Variants in MROH9 observed in about 807,000 individuals in gnomAD.
MROH9 encodes the protein maestro heat-like repeat-containing protein family member 9.
In MROH9, 92 loss-of-function variants were observed where a neutral mutation model predicts 98.2. The ratio of observed to expected loss-of-function variants is 0.94; its 90% confidence interval spans 0.79 to 1.11. MROH9 has a LOEUF of 1.11. MROH9 is among the 50% of genes most tolerant of loss of function. The pLI, the probability that MROH9 is intolerant of heterozygous loss-of-function variation, is 0.00. For synonymous variants in MROH9, 397 were observed against 368.9 expected, an observed-to-expected ratio of 1.08 and a Z score of -0.87; for missense variants, 1,057 against 1,014.8, an observed-to-expected ratio of 1.04 and a Z score of -0.57.
chr1:170,957,214 G>T (rs774331817), intron 3 of MROH9, among the ~76,000 whole-genome samples: 2 of 151,926 alleles, frequency 1.3e-5, no homozygotes, highest in Admixed American at 6.6e-5. Context: ...TGTTGCCTGT[G>T]CTTTTTACGT....
rs775610099 is a variant in MROH9, at chr1:170,986,549, T to C, written c.730-12T>C. 3 of 1,611,186 alleles carry C rather than the reference T, an allele frequency of 1.9e-6. No homozygotes were observed. The highest frequency in any genetic ancestry group is 1.1e-5 in the South Asian group (1 of 90,640). ...TAAGGCCTGAGGTCATGATTATCCT[T>C]TGTGGTTGCAGAGAGTAGGGCAAAC... On this transcript the variant is annotated splice_polypyrimidine_tract_variant and intron_variant, in intron 9 of 21. Coordinates refer to ENST00000367759, the MANE Select transcript of MROH9 (RefSeq NM_001163629.2).
chr1:170,989,471 G>A (rs953168894), intron 10 of MROH9, among the ~76,000 whole-genome samples: 6 of 152,038 alleles, frequency 3.9e-5, no homozygotes, highest in Non-Finnish European at 5.9e-5. Context: ...ACTTGCAAAA[G>A]TTTTCTTTGA....
intron 14 of MROH9, 75 bp downstream of exon 14, chr1:170,996,719 G>C (rs560577963): frequency 2.7e-6 from 4 of 1,459,082 alleles, no homozygotes; most frequent in African/African-American, 1.4e-5. Flanking sequence ...TAAGCCATGC[G>C]GGAACAAGAT....
intron 1 of MROH9, among the ~76,000 whole-genome samples, chr1:170,937,678 C>T (rs946875914): frequency 1.1e-4 from 17 of 151,544 alleles, no homozygotes; most frequent in South Asian, 6.3e-4. Flanking sequence ...CCCGCCACTA[C>T]GCCCGGCTAA....
intron 1 of MROH9, among the ~76,000 whole-genome samples, chr1:170,941,578 G>T (rs945759508): frequency 6.6e-6 from 1 of 152,066 alleles, no homozygotes; most frequent in African/African-American, 2.4e-5. Flanking sequence ...ACTTTTTGTT[G>T]CTCATTAAGG....
chr1:171,026,739 G>C (rs1290620986), intron 20 of MROH9, among the ~76,000 whole-genome samples: 1 of 152,134 alleles, frequency 6.6e-6, no homozygotes, highest in African/African-American at 2.4e-5. Flanking sequence ...AGGGAAAAAA[G>C]AGACAAAAGA....
intron 3 of MROH9, among the ~76,000 whole-genome samples, chr1:170,953,984 T>TA (rs201757828): frequency 1.8e-3 from 274 of 151,438 alleles, no homozygotes; most frequent in African/African-American, 5.5e-3. Context: ...CATTTTCTCT[T>TA]AAAAAAAAAT....
At chr1:170,940,108 A>G (rs1649066331) in intron 1 of MROH9, among the ~76,000 whole-genome samples, 1 of 152,174 alleles carries the variant, frequency 6.6e-6, no homozygotes, top group African/African-American at 2.4e-5. Flanking sequence ...AATGAGAAAT[A>G]TGTTGCCTAA....
At chr1:170,977,785 T>A (rs1242406517) in intron 8 of MROH9, among the ~76,000 whole-genome samples, 1 of 152,026 alleles carries the variant, frequency 6.6e-6, no homozygotes, top group African/African-American at 2.4e-5. Flanking sequence ...CAGCAGTGAG[T>A]GTGGCCAAGG....
At position 171,001,187 on chromosome 1, in the gene MROH9, C is replaced by T. The variant is rs2101819480; in HGVS notation, c.1596+2913C>T. Among the ~76,000 whole-genome samples the T allele has an allele frequency of 2.0e-5, 3 of 152,080 alleles. No individual in the cohort carries two copies. The South Asian group carries it at 6.2e-4, about 32-fold the overall frequency. ...CAATTTTATTCATCTTTACAAAGAA[C>T]CAGTTTTTTGTTTCATTTACCTTTT... On this transcript the variant is annotated intron_variant, in intron 15 of 21. Coordinates refer to ENST00000367759, the MANE Select transcript of MROH9 (RefSeq NM_001163629.2).
At chr1:171,011,787 A>G (rs1457312078) in intron 15 of MROH9, among the ~76,000 whole-genome samples, 2 of 152,000 alleles carry the variant, frequency 1.3e-5, no homozygotes, top group Non-Finnish European at 2.9e-5. Flanking sequence ...CTCACTGCTC[A>G]TTTTACTTGT....
Position 170,985,515 on chromosome 1 carries a change from C to A in MROH9, c.730-1046C>A, listed in dbSNP as rs144595295. On this transcript the variant is annotated intron_variant, in intron 9 of 21. Coordinates refer to ENST00000367759, the MANE Select transcript of MROH9 (RefSeq NM_001163629.2). ...TTTATATAATCTACTGTCACATCTT[C>A]ACCTGTACATGACAGAAACTTCTAA... Among the ~76,000 whole-genome samples the A allele has an allele frequency of 3.9e-3, 599 of 152,278 alleles. 2 individuals are homozygous for A. Among genetic ancestry groups the A allele is most frequent in the Non-Finnish European group, 6.8e-3 (460 of 68,028 alleles).
Position 170,965,118 on chromosome 1 carries a change from A to T in MROH9, c.376-33A>T, listed in dbSNP as rs749126895. Reference sequence around the variant, plus strand: ...AAGGTTCTTGGAAAATGGAAATTTCATGGTTCTAGGATGACTTTTATGTTT... The same window carrying T: ...AAGGTTCTTGGAAAATGGAAATTTCTTGGTTCTAGGATGACTTTTATGTTT... On this transcript the variant is annotated intron_variant, in intron 6 of 21. Transcript: ENST00000367759. 3.4e-6 allele frequency: 5 copies of T among 1,491,956 alleles called. No homozygotes were observed. In the African/African-American group the frequency reaches 5.6e-5, roughly 17 times the overall value. 92.4% of individuals were successfully genotyped at this position (1,491,956 alleles called of 1,614,324 possible).
intron 20 of MROH9, among the ~76,000 whole-genome samples, chr1:171,028,592 T>C (rs375432426): frequency 6.6e-6 from 1 of 152,208 alleles, no homozygotes; most frequent in African/African-American, 2.4e-5. Context: ...ATGGGAATAG[T>C]ACTGAATCTA....
In MROH9 at chr1:170,980,539, A is replaced by T. The variant is rs181037418; in HGVS notation, c.617-2883A>T. 2.6e-5 allele frequency among the ~76,000 whole-genome samples: 4 copies of T among 152,216 alleles called. No homozygotes were observed. In the East Asian group the frequency reaches 7.7e-4, roughly 29 times the overall value. On this transcript the variant is annotated intron_variant, in intron 8 of 21. Coordinates refer to ENST00000367759, the MANE Select transcript of MROH9 (RefSeq NM_001163629.2). ...TGGGGAAAGAATTCTCTGTTTAATA[A>T]ATGGTGCTGGAAAAACTGTCTAGCC...
chr1:170,995,473 C>T lies in MROH9; in HGVS notation c.1279C>T (p.Leu427Phe). The change falls in exon 13 of 22, where the codon CTT becomes TTT. Residue 427 changes from leucine (L) to phenylalanine (F), a missense_variant. Transcript: ENST00000367759. ...AQYFPQLLTT[L>F]MFQVFYNSEL... ...GTATTTCCCCCAGCTCTTGACGACT[C>T]TTATGTTCCAAGTCTTCTACAACAG... 6.2e-7 allele frequency: 1 copy of T among 1,613,392 alleles called. No individual in the cohort carries two copies. Among genetic ancestry groups the T allele is most frequent in the Admixed American group, 1.7e-5 (1 of 59,912 alleles).
At position 170,952,452 on chromosome 1, in the gene MROH9, G is replaced by A. The variant is rs1295775598; in HGVS notation, c.72+4879G>A. 6.6e-5 allele frequency among the ~76,000 whole-genome samples: 10 copies of A among 152,146 alleles called. No homozygotes were observed. In the South Asian group the frequency reaches 2.1e-3, roughly 32 times the overall value. ...ATGATGAGTTCATGTCCTTTGTGGGGACATGGATGAAGCTGGAAACCATCA... is the reference window on the plus strand; with the variant it reads ...ATGATGAGTTCATGTCCTTTGTGGGAACATGGATGAAGCTGGAAACCATCA... On this transcript the variant is annotated intron_variant, in intron 3 of 21. Coordinates refer to ENST00000367759, the MANE Select transcript of MROH9 (RefSeq NM_001163629.2).
intron 4 of MROH9, among the ~76,000 whole-genome samples, chr1:170,959,003 T>C (rs1234835481): frequency 6.6e-6 from 1 of 152,166 alleles, no homozygotes; most frequent in Non-Finnish European, 1.5e-5. Context: ...TTTACAACAT[T>C]ATTATCATTT....
intron 20 of MROH9, among the ~76,000 whole-genome samples, chr1:171,043,879 G>T (rs1653381985): frequency 6.6e-6 from 1 of 151,920 alleles, no homozygotes; most frequent in South Asian, 2.1e-4. Flanking sequence ...GAAGTCTTGA[G>T]GTTTTTCCAA....
Sources: allele counts gnomAD v4.1 joint callset (sites outside exome capture counted in the v4.1 genomes callset), GRCh38; gene constraint gnomAD v4.1.1; transcripts MANE v1.5; gene names NCBI Gene and HGNC (gene_info 2026-07-23, HGNC 2026-07-21).